The following VWC2 variants were observed in gnomAD, a reference collection of about 807,000 sequenced individuals.
VWC2 encodes von Willebrand factor C domain containing 2, also known as brorin.
Under a neutral mutation model 29.8 loss-of-function variants are expected in VWC2, and 14 were observed. That is an observed-to-expected ratio of 0.47 (90% CI 0.31 to 0.74). The LOEUF (loss-of-function observed/expected upper bound fraction) is 0.74. Among genes scored for constraint, VWC2 ranks in the 30% least tolerant of loss-of-function variants. The pLI is 0.05. For missense variants in VWC2, 457 were observed against 459.8 expected, an observed-to-expected ratio of 0.99 and a Z score of 0.05; for synonymous variants, 213 against 199.0, an observed-to-expected ratio of 1.07 and a Z score of -0.59.
chr7:49,816,571 C>T (rs1227671165), intron 3 of VWC2, among the ~76,000 whole-genome samples: 1 of 152,134 alleles, frequency 6.6e-6, no homozygotes, highest in Non-Finnish European at 1.5e-5. Context: ...ATTGTAGCAC[C>T]TTCTCTCAAG....
rs148641703 is a variant in VWC2 at position 49,838,407 on chromosome 7, G to A, written c.826+35567G>A. ...AATAACTAATTGGACTTTTAGGGGAGTACAGATGTTGACAGAGTGGGGTCA... is the reference window on the plus strand; with the variant it reads ...AATAACTAATTGGACTTTTAGGGGAATACAGATGTTGACAGAGTGGGGTCA... On this transcript the variant is annotated intron_variant, in intron 3 of 3. Coordinates refer to ENST00000340652, the MANE Select transcript of VWC2 (RefSeq NM_198570.5). 3.3e-5 allele frequency among the ~76,000 whole-genome samples: 5 copies of A among 152,270 alleles called. No individual in the cohort carries two copies. The East Asian group carries it at 5.8e-4, about 18-fold the overall frequency.
chr7:49,792,228 T>C (rs896309726), intron 2 of VWC2, among the ~76,000 whole-genome samples: 2 of 152,194 alleles, frequency 1.3e-5, no homozygotes, highest in African/African-American at 4.8e-5. Flanking sequence ...TAATTCATCC[T>C]TGTGGAGTGT....
At chr7:49,834,459 T>G (rs1789611353) in intron 3 of VWC2, among the ~76,000 whole-genome samples, 1 of 152,180 alleles carries the variant, frequency 6.6e-6, no homozygotes, top group Non-Finnish European at 1.5e-5. Context: ...TATATATTCA[T>G]GCAACAAGTG....
At chr7:49,854,524 T>G (rs1013252050) in intron 3 of VWC2, among the ~76,000 whole-genome samples, 1 of 152,344 alleles carries the variant, frequency 6.6e-6, no homozygotes, top group East Asian at 1.9e-4. Context: ...TTGAGAAGTG[T>G]CTGTTCATAT....
rs1793579929 is a variant in VWC2 at position 49,913,771 on chromosome 7, A to G, written c.*1586A>G. 1 of 152,214 alleles carries G rather than the reference A, an allele frequency of 6.6e-6. No individual in the cohort carries two copies. The highest frequency in any genetic ancestry group is 2.1e-4 in the South Asian group (1 of 4,830). The allele number at this position is 152,214 out of a possible 1,614,324, so 9.4% of individuals were successfully genotyped here. Reference sequence around the variant, plus strand: ...AGATGGAGAACATGAAAAAATCATTATATAAAAAATAATTCAATCATTAAA... The same window carrying G: ...AGATGGAGAACATGAAAAAATCATTGTATAAAAAATAATTCAATCATTAAA... On this transcript the variant is annotated 3_prime_UTR_variant, in exon 4 of 4. Transcript: ENST00000340652.
At chr7:49,901,875 C>T (rs1036809438) in intron 3 of VWC2, among the ~76,000 whole-genome samples, 28 of 151,872 alleles carry the variant, frequency 1.8e-4, no homozygotes, top group African/African-American at 6.8e-4. Flanking sequence ...AATATGAACA[C>T]TGTTTGCTAA....
intron 3 of VWC2, among the ~76,000 whole-genome samples, chr7:49,892,194 A>G (rs1171105202): frequency 2.0e-5 from 3 of 150,834 alleles, no homozygotes; most frequent in African/African-American, 4.9e-5. Context: ...ACAGGCGCCC[A>G]CCATCACGCC....
At chr7:49,838,658 G>A (rs1210583537) in intron 3 of VWC2, among the ~76,000 whole-genome samples, 1 of 152,010 alleles carries the variant, frequency 6.6e-6, no homozygotes, top group African/African-American at 2.4e-5. Context: ...AGTGTTTTGA[G>A]GGAAGGATTA....
chr7:49,830,366 C>A (rs1322962048), intron 3 of VWC2, among the ~76,000 whole-genome samples: 1 of 152,088 alleles, frequency 6.6e-6, no homozygotes, highest in Non-Finnish European at 1.5e-5. Flanking sequence ...TCTCTGGTTT[C>A]TCTGGTATCT....
In VWC2 at chr7:49,913,657, G is replaced by A. The variant is rs1470856961; in HGVS notation, c.*1472G>A. 3.3e-5 allele frequency: 5 copies of A among 152,110 alleles called. No individual in the cohort carries two copies. The allele number at this position is 152,110 out of a possible 1,614,324, so 9.4% of individuals were successfully genotyped here. On this transcript the variant is annotated 3_prime_UTR_variant, in exon 4 of 4. Transcript: ENST00000340652. ...TGCCTTCTTGGACTTTCGGTCTCTGGCATAAGAAGTATATGAAATCATAAT... is the reference window on the plus strand; with the variant it reads ...TGCCTTCTTGGACTTTCGGTCTCTGACATAAGAAGTATATGAAATCATAAT...
chr7:49,912,206 T>A lies in VWC2; in HGVS notation c.*21T>A. 1 of 1,612,486 alleles carries A rather than the reference T, an allele frequency of 6.2e-7. No individual in the cohort carries two copies. On this transcript the variant is annotated 3_prime_UTR_variant, in exon 4 of 4. Transcript: ENST00000340652. ...TGTAGACGCTTCCCAGAACACAAAC[T>A]CTGACTTTTTCTAGAACATTTTACT...
chr7:49,810,851 G>A (rs889047438), intron 3 of VWC2, among the ~76,000 whole-genome samples: 10 of 152,050 alleles, frequency 6.6e-5, no homozygotes, highest in Non-Finnish European at 1.2e-4. Context: ...ACTTTACACC[G>A]TATACACATT....
intron 3 of VWC2, among the ~76,000 whole-genome samples, chr7:49,856,106 T>C (rs959262238): frequency 1.3e-5 from 2 of 152,180 alleles, no homozygotes; most frequent in African/African-American, 4.8e-5. Flanking sequence ...TGGGAGGCAA[T>C]GCATAAGACC....
rs190078567 is a variant in VWC2, at chr7:49,873,954, C to T, written c.827-38080C>T. Among the ~76,000 whole-genome samples the T allele has an allele frequency of 2.8e-3, 421 of 151,002 alleles. 9 individuals are homozygous for T. Among genetic ancestry groups the T allele is most frequent in the Admixed American group, 0.026 (388 of 15,176 alleles). ...AAGATGAAACAGTATTAGTATGATA[C>T]ATTTATTTATTGCAAATTCAAAGAA... On this transcript the variant is annotated intron_variant, in intron 3 of 3. Coordinates refer to ENST00000340652, the MANE Select transcript of VWC2 (RefSeq NM_198570.5).
At chr7:49,887,396 C>T (rs538883732) in intron 3 of VWC2, among the ~76,000 whole-genome samples, 11 of 152,298 alleles carry the variant, frequency 7.2e-5, no homozygotes, top group Admixed American at 7.2e-4. Context: ...GAATGACAGA[C>T]AAAGATATTG....
intron 3 of VWC2, among the ~76,000 whole-genome samples, chr7:49,817,337 A>G (rs1323881989): frequency 6.6e-6 from 1 of 152,228 alleles, no homozygotes; most frequent in East Asian, 1.9e-4. Flanking sequence ...TACCACATCC[A>G]CAGCATGATC....
intron 3 of VWC2, among the ~76,000 whole-genome samples, chr7:49,872,048 TAAACA>T (rs1791182019): frequency 6.8e-6 from 1 of 147,298 alleles, no homozygotes; most frequent in Non-Finnish European, 1.5e-5. Context: ...ATTAATAAAC[TAAACA>T]AAACTAAGTA....
intron 3 of VWC2, among the ~76,000 whole-genome samples, chr7:49,807,557 A>G (rs1279766439): frequency 6.6e-6 from 1 of 152,200 alleles, no homozygotes; most frequent in Non-Finnish European, 1.5e-5. Context: ...GAATTGTGCT[A>G]GACCAACTGA....
intron 2 of VWC2, among the ~76,000 whole-genome samples, chr7:49,792,478 G>A (rs1203426215): frequency 6.6e-6 from 1 of 152,170 alleles, no homozygotes; most frequent in Non-Finnish European, 1.5e-5. Flanking sequence ...TACCCCAGTG[G>A]GTTCAACAGG....
Sources: allele counts gnomAD v4.1 joint callset (sites outside exome capture counted in the v4.1 genomes callset), GRCh38; gene constraint gnomAD v4.1.1; transcripts MANE v1.5; gene names NCBI Gene and HGNC (gene_info 2026-07-23, HGNC 2026-07-21).